LRP1B: variants seen among roughly 807,000 people sequenced by gnomAD.
LRP1B encodes low-density lipoprotein receptor-related protein 1B.
In LRP1B, 217 loss-of-function variants were observed where a neutral mutation model predicts 556.6. The observed-to-expected ratio is 0.39, with a 90% CI of 0.35 to 0.44. The LOEUF (loss-of-function observed/expected upper bound fraction) is 0.44. LRP1B is among the 20% of genes least tolerant of loss of function. The pLI is 1.00. For synonymous variants in LRP1B, 2,047 were observed against 1,865.8 expected (o/e 1.10, Z -2.50); for missense variants, 5,053 against 5,620.8 (o/e 0.90, Z 3.23).
chr2:140,328,146 A>T (rs1680594663), intron 79 of LRP1B, among the ~76,000 whole-genome samples: 2 of 152,040 alleles, frequency 1.3e-5, no homozygotes, highest in Non-Finnish European at 2.9e-5. Context: ...ATCAATTCTC[A>T]AGAAACTCAT....
intron 1 of LRP1B, among the ~76,000 whole-genome samples, chr2:142,126,861 G>T (rs1707673285): frequency 6.6e-6 from 1 of 151,786 alleles, no homozygotes; most frequent in Non-Finnish European, 1.5e-5. Flanking sequence ...GTTCAGTTCA[G>T]GTGACTTTAA....
At chr2:140,364,890 C>T (rs1172851268) in intron 71 of LRP1B, 107 bp from the exon 72 acceptor site, 10 of 861,528 alleles carry the variant, frequency 1.2e-5, no homozygotes, top group Non-Finnish European at 1.8e-5. Context: ...TTGACTGCTT[C>T]CATATATGTA....
At chr2:140,981,307 AAAGTAT>A (rs1214864166) in intron 18 of LRP1B, among the ~76,000 whole-genome samples, 2 of 150,882 alleles carry the variant, frequency 1.3e-5, no homozygotes, top group East Asian at 3.8e-4. Context: ...TCTACTATTA[AAAGTAT>A]AACAGTGTTA....
At chr2:140,247,668 G>A (rs564701850) in intron 86 of LRP1B, among the ~76,000 whole-genome samples, 2 of 151,722 alleles carry the variant, frequency 1.3e-5, no homozygotes, top group East Asian at 3.9e-4. Context: ...AAAATACAGA[G>A]CTTTCCCATT....
In LRP1B at chr2:140,700,378, A is replaced by C. The variant is rs897700990; in HGVS notation, c.6671T>G (p.Val2224Gly). ...ATTATAGTCAAAAGCCAAGGCTATG[A>C]CATTCTTGAAATAACGTGGATTCTC... ...PYENPRYFKN[V>G]IALAFDYNQR... Residue 2224 changes from valine to glycine, a missense_variant, in exon 41 of 91, where the codon GTC becomes GGC. Transcript: ENST00000389484. 1 of 1,613,466 alleles carries C rather than the reference A, an allele frequency of 6.2e-7. No homozygotes were observed. Among genetic ancestry groups the C allele is most frequent in the Non-Finnish European group, 8.5e-7 (1 of 1,179,632 alleles).
rs1341942365 is a variant in LRP1B, at chr2:141,078,611, C to T, written c.1014-16338G>A. Among the ~76,000 whole-genome samples, 2 of 70,976 alleles carry T rather than the reference C, an allele frequency of 2.8e-5. 1 individual carries two copies. The highest frequency in any genetic ancestry group is 9.2e-4 in the South Asian group (2 of 2,168). 46.6% of individuals were successfully genotyped at this position (70,976 alleles called of 152,430 possible). ...GTGTAAGTGCAACAGAAAAAGCCTG[C>T]CAAGAGGGAGAGAGAAAGAGAAAGA... On this transcript the variant is annotated intron_variant, in intron 7 of 90. Transcript: ENST00000389484.
chr2:140,489,551 G>C (rs1688612670), intron 57 of LRP1B, among the ~76,000 whole-genome samples: 1 of 152,120 alleles, frequency 6.6e-6, no homozygotes, highest in Non-Finnish European at 1.5e-5. Flanking sequence ...GTAGGAAGTT[G>C]CCTATGCAAA....
chr2:141,798,415 T>C (rs1695892375), intron 2 of LRP1B, among the ~76,000 whole-genome samples: 1 of 152,004 alleles, frequency 6.6e-6, no homozygotes, highest in Admixed American at 6.6e-5. Context: ...CGTCTTAGAA[T>C]ATATTTTAAA....
At chr2:141,571,596 G>T (rs1686532148) in intron 2 of LRP1B, among the ~76,000 whole-genome samples, 1 of 152,150 alleles carries the variant, frequency 6.6e-6, no homozygotes, top group Non-Finnish European at 1.5e-5. Context: ...CGAATTAACA[G>T]AAGAAGGCTT....
chr2:141,515,767 A>G lies in LRP1B; in HGVS notation c.206-35234T>C, dbSNP rs574645869. 2.6e-5 allele frequency among the ~76,000 whole-genome samples: 4 copies of G among 152,296 alleles called. No individual in the cohort carries two copies. In the East Asian group the frequency reaches 7.7e-4, roughly 29 times the overall value. On this transcript the variant is annotated intron_variant, in intron 2 of 90. Transcript: ENST00000389484. ...ATGATACACAACTAGTTTGACATTTATAAGAATAAAAAGTTTATTATGGCT... is the reference window on the plus strand; with the variant it reads ...ATGATACACAACTAGTTTGACATTTGTAAGAATAAAAAGTTTATTATGGCT...
chr2:141,088,512 C>T (rs1409051553), intron 7 of LRP1B, among the ~76,000 whole-genome samples: 2 of 152,056 alleles, frequency 1.3e-5, no homozygotes, highest in African/African-American at 2.4e-5. Context: ...TGAAACGTGG[C>T]TGTGGCAGCT....
At chr2:140,434,450 C>A (rs1227317826) in intron 66 of LRP1B, among the ~76,000 whole-genome samples, 1 of 152,144 alleles carries the variant, frequency 6.6e-6, no homozygotes, top group Non-Finnish European at 1.5e-5. Context: ...AAAATAATTT[C>A]TCTCAAGATT....
intron 2 of LRP1B, among the ~76,000 whole-genome samples, chr2:141,708,616 CTCT>C (rs1232300914): frequency 1.3e-5 from 2 of 152,108 alleles, no homozygotes; most frequent in African/African-American, 2.4e-5. Flanking sequence ...TTTCTAATGA[CTCT>C]TCATTATAGT....
At chr2:141,681,459 C>T (rs932257267) in intron 2 of LRP1B, among the ~76,000 whole-genome samples, 1 of 151,774 alleles carries the variant, frequency 6.6e-6, no homozygotes, top group African/African-American at 2.4e-5. Context: ...TAAAAAAAGT[C>T]AATTTTCATA....
intron 20 of LRP1B, among the ~76,000 whole-genome samples, chr2:140,946,131 C>G (rs1229837707): frequency 6.6e-6 from 1 of 152,036 alleles, no homozygotes; most frequent in African/African-American, 2.4e-5. Flanking sequence ...CAGAGAAATG[C>G]AAATCAAAAC....
At chr2:140,371,067 A>T in intron 70 of LRP1B, 112 bp downstream of exon 70, 5 of 842,110 alleles carry the variant, frequency 5.9e-6, no homozygotes, top group Non-Finnish European at 9.1e-6. Context: ...TACATATCTA[A>T]CATGTTAAAC....
At chr2:142,010,916 C>T (rs2105155100) in intron 1 of LRP1B, among the ~76,000 whole-genome samples, 1 of 152,292 alleles carries the variant, frequency 6.6e-6, no homozygotes. Flanking sequence ...AATTATGCTG[C>T]TCCCTGCTTC....
chr2:141,191,458 A>G (rs1291628161), intron 6 of LRP1B, among the ~76,000 whole-genome samples: 1 of 151,940 alleles, frequency 6.6e-6, no homozygotes, highest in African/African-American at 2.4e-5. Flanking sequence ...TAACATAGAC[A>G]TATGTGTCAG....
At chr2:140,967,453 G>A (rs1307416090) in intron 18 of LRP1B, among the ~76,000 whole-genome samples, 1 of 152,114 alleles carries the variant, frequency 6.6e-6, no homozygotes, top group Non-Finnish European at 1.5e-5. Context: ...AGATCACGGG[G>A]TTTTCTAAAT....
Sources: allele counts gnomAD v4.1 joint callset (sites outside exome capture counted in the v4.1 genomes callset), GRCh38; gene constraint gnomAD v4.1.1; transcripts MANE v1.5; gene names NCBI Gene and HGNC (gene_info 2026-07-23, HGNC 2026-07-21).